EDIL3: variants seen among roughly 807,000 people sequenced by gnomAD.
EDIL3 encodes EGF like and discoidin domains 3.
Under a neutral mutation model 67.4 loss-of-function variants are expected in EDIL3, and 37 were observed. The observed-to-expected ratio is 0.55, with a 90% CI of 0.42 to 0.72. The LOEUF is 0.72. EDIL3 is among the 30% of genes least tolerant of loss of function. EDIL3 has a pLI of 0.00. For missense variants in EDIL3, 527 were observed against 586.3 expected (o/e 0.90, Z 1.04); for synonymous variants, 195 against 196.3 (o/e 0.99, Z 0.05).
intron 9 of EDIL3, among the ~76,000 whole-genome samples, chr5:84,055,488 C>T (rs1746426266): frequency 6.7e-6 from 1 of 149,962 alleles, no homozygotes; most frequent in African/African-American, 2.5e-5. Context: ...AGCTTCTGCA[C>T]AGCAAAAGAA....
intron 9 of EDIL3, among the ~76,000 whole-genome samples, chr5:83,985,364 C>T (rs943922052): frequency 6.6e-6 from 1 of 152,002 alleles, no homozygotes; most frequent in Non-Finnish European, 1.5e-5. Flanking sequence ...TTTGTTTGGA[C>T]AAATTTTTTT....
intron 9 of EDIL3, among the ~76,000 whole-genome samples, chr5:84,058,575 A>C (rs967751751): frequency 1.3e-5 from 2 of 152,140 alleles, no homozygotes; most frequent in African/African-American, 4.8e-5. Context: ...ATACTTGCTA[A>C]ATCAGTTAAT....
chr5:84,055,855 G>C lies in EDIL3; in HGVS notation c.1137+4445C>G, dbSNP rs574684319. Among the ~76,000 whole-genome samples, 57 of 152,314 alleles carry C rather than the reference G, an allele frequency of 3.7e-4. No individual in the cohort carries two copies. The East Asian group carries it at 7.3e-3, about 20-fold the overall frequency. On this transcript the variant is annotated intron_variant, in intron 9 of 10. Transcript: ENST00000296591. ...GAAGACATAGGAACACTTTTACACTGTTGGTGGGACTGTAAACTAGTTCAA... is the reference window on the plus strand; with the variant it reads ...GAAGACATAGGAACACTTTTACACTCTTGGTGGGACTGTAAACTAGTTCAA...
At chr5:84,161,318 C>T (rs1370553733) in intron 4 of EDIL3, among the ~76,000 whole-genome samples, 2 of 151,966 alleles carry the variant, frequency 1.3e-5, no homozygotes, top group Middle Eastern at 3.2e-3. Flanking sequence ...AGCTTCAAGA[C>T]GAATGCCTTT....
Position 84,064,715 on chromosome 5 carries a change from C to G in EDIL3, c.937G>C (p.Gly313Arg), listed in dbSNP as rs774958459. 6.2e-7 allele frequency: 1 copy of G among 1,612,204 alleles called. No homozygotes were observed. The highest frequency in any genetic ancestry group is 1.3e-5 in the African/African-American group (1 of 74,848). ...RHCTLRMELL[G>R]CELSGCSEPL... ...TGAGACTTACCCGACAGTTCACAGC[C>G]AAGAAGTTCCATTCGCAAAGTGCAA... Residue 313 changes from glycine (G) to arginine (R), a missense_variant, in exon 8 of 11, where the codon GGC (glycine) becomes CGC (arginine). Physicochemically the swap from Gly to Arg is moderately radical, Grantham distance 125. This residue lies in a region of EDIL3 where 494 missense variants were observed against 522.5 expected (regional missense o/e 0.95). Transcript: ENST00000296591.
Position 84,120,150 on chromosome 5 carries a change from GA to G in EDIL3, c.470-13321del, listed in dbSNP as rs1464917459. Among the ~76,000 whole-genome samples the G allele has an allele frequency of 2.0e-5, 3 of 152,082 alleles. No homozygotes were observed. In the East Asian group the frequency reaches 5.8e-4, roughly 29 times the overall value. Reference sequence around the variant, plus strand: ...CAGAAAAAAAGTATGGTAAATTCAGGAATTGCACACCTTTGCACAAGAGTTG... The same window carrying G: ...CAGAAAAAAAGTATGGTAAATTCAGGATTGCACACCTTTGCACAAGAGTTG... On this transcript the variant is annotated intron_variant, in intron 5 of 10. Coordinates refer to ENST00000296591, the MANE Select transcript of EDIL3 (RefSeq NM_005711.5).
At chr5:84,280,843 A>G (rs1317364724) in intron 1 of EDIL3, among the ~76,000 whole-genome samples, 2 of 147,506 alleles carry the variant, frequency 1.4e-5, no homozygotes, top group Non-Finnish European at 3.0e-5. Flanking sequence ...ACACAGGAGG[A>G]TGAGGGCTTA....
intron 9 of EDIL3, among the ~76,000 whole-genome samples, chr5:84,022,670 T>C (rs1745739316): frequency 6.6e-6 from 1 of 151,922 alleles, no homozygotes; most frequent in African/African-American, 2.4e-5. Context: ...AATTGCCACA[T>C]GTTCTCACTC....
intron 2 of EDIL3, among the ~76,000 whole-genome samples, chr5:84,247,130 G>A (rs922815216): frequency 3.9e-5 from 6 of 152,032 alleles, no homozygotes; most frequent in African/African-American, 9.7e-5. Flanking sequence ...ATTTTAGTCC[G>A]TGAAACATAG....
intron 9 of EDIL3, among the ~76,000 whole-genome samples, chr5:83,972,870 C>A (rs1222139095): frequency 6.6e-6 from 1 of 151,842 alleles, no homozygotes; most frequent in African/African-American, 2.4e-5. Context: ...ATGAGCAGAT[C>A]TTTATAATAT....
chr5:84,331,588 G>A (rs182395886), intron 1 of EDIL3, among the ~76,000 whole-genome samples: 1 of 152,152 alleles, frequency 6.6e-6, no homozygotes, highest in African/African-American at 2.4e-5. Context: ...TTTTCCTGAG[G>A]CCTCCCCAGC....
In EDIL3 at chr5:84,359,430, A is replaced by G. The variant is rs374355872; in HGVS notation, c.67+24878T>C. On this transcript the variant is annotated intron_variant, in intron 1 of 10. Coordinates refer to ENST00000296591, the MANE Select transcript of EDIL3 (RefSeq NM_005711.5). ...GCAATTTTATTCTGAAATAAATAAC[A>G]AACACAAGACTTAAATTTTAACAGT... Among the ~76,000 whole-genome samples, 17 of 152,348 alleles carry G rather than the reference A, an allele frequency of 1.1e-4. No individual in the cohort carries two copies. The South Asian group carries it at 3.1e-3, about 28-fold the overall frequency.
chr5:84,051,020 G>T (rs1325637603), intron 9 of EDIL3, among the ~76,000 whole-genome samples: 2 of 152,212 alleles, frequency 1.3e-5, no homozygotes, highest in Non-Finnish European at 2.9e-5. Flanking sequence ...GCTTCCTCAA[G>T]TGGGTTGCTG....
At chr5:83,976,511 C>CTT (rs1744878923) in intron 9 of EDIL3, among the ~76,000 whole-genome samples, 1 of 151,794 alleles carries the variant, frequency 6.6e-6, no homozygotes, top group Non-Finnish European at 1.5e-5. Flanking sequence ...AAATCAAGAA[C>CTT]TTTCCCTAAT....
chr5:84,366,724 C>T (rs1405826657), intron 1 of EDIL3, among the ~76,000 whole-genome samples: 1 of 152,094 alleles, frequency 6.6e-6, no homozygotes, highest in Non-Finnish European at 1.5e-5. Context: ...AAACAGTATA[C>T]ACAAAAGTAC....
intron 1 of EDIL3, among the ~76,000 whole-genome samples, chr5:84,334,481 T>C (rs944370169): frequency 6.6e-6 from 1 of 152,222 alleles, no homozygotes; most frequent in Admixed American, 6.5e-5. Flanking sequence ...CATCCCCATA[T>C]AGAATTTTTT....
chr5:84,123,123 A>G (rs376327526), intron 5 of EDIL3, among the ~76,000 whole-genome samples: 2 of 152,094 alleles, frequency 1.3e-5, no homozygotes, highest in South Asian at 4.1e-4. Flanking sequence ...ATTACAGCAT[A>G]GTGCATTTTT....
intron 1 of EDIL3, among the ~76,000 whole-genome samples, chr5:84,371,319 G>GTATATATATATATATATATATATA (rs71607709): frequency 1.2e-3 from 142 of 115,448 alleles, no homozygotes; most frequent in South Asian, 2.2e-3. Flanking sequence ...TAGATAAAAA[G>GTATATATATATATATATATATATA]TATATATATA....
At chr5:84,127,597 G>A (rs1282108792) in intron 5 of EDIL3, among the ~76,000 whole-genome samples, 1 of 152,028 alleles carries the variant, frequency 6.6e-6, no homozygotes, top group Non-Finnish European at 1.5e-5. Context: ...GGCCATTAAT[G>A]GTTTTAGCTT....
Sources: allele counts gnomAD v4.1 joint callset (sites outside exome capture counted in the v4.1 genomes callset), GRCh38; gene constraint gnomAD v4.1.1; regional missense constraint gnomAD v4.1.1; transcripts MANE v1.5; gene names NCBI Gene and HGNC (gene_info 2026-07-23, HGNC 2026-07-21).